ABR: variants seen among roughly 807,000 people sequenced by gnomAD.
ABR encodes the protein ABR activator of RhoGEF and GTPase.
A neutral mutation model predicts 107.2 loss-of-function variants in ABR; 35 were observed. The ratio of observed to expected loss-of-function variants is 0.33; its 90% CI spans 0.25 to 0.43. ABR has a LOEUF of 0.43. Among genes scored for constraint, ABR ranks in the 20% least tolerant of loss-of-function variants. ABR has a pLI of 1.00. For synonymous variants in ABR, 498 were observed against 462.0 expected (o/e 1.08, Z -1.00); for missense variants, 815 against 1,115.2 (o/e 0.73, Z 3.83).
chr17:1,146,260 GAC>G (rs60058475), intron 1 of ABR, among the ~76,000 whole-genome samples: 39,857 of 139,980 alleles, frequency 0.28, 5,611 homozygotes, highest in Non-Finnish European at 0.31. Flanking sequence ...GGCACATGGA[GAC>G]ACACACACAC....
intron 2 of ABR, among the ~76,000 whole-genome samples, chr17:1,105,906 T>C (rs2038214501): frequency 2.0e-5 from 3 of 151,750 alleles, no homozygotes; most frequent in Non-Finnish European, 4.4e-5. Context: ...ACCTAAAGGG[T>C]TAATCTGCAT....
intron 1 of ABR, among the ~76,000 whole-genome samples, chr17:1,223,289 CAAAA>C (rs2043152147): frequency 7.5e-6 from 1 of 133,210 alleles, no homozygotes; most frequent in Non-Finnish European, 1.6e-5. Flanking sequence ...CTCAAACAAA[CAAAA>C]AATCAGTAAC....
chr17:1,087,411 C>CG (rs924567309), intron 4 of ABR, among the ~76,000 whole-genome samples: 6 of 151,748 alleles, frequency 4.0e-5, no homozygotes, highest in African/African-American at 9.7e-5. Flanking sequence ...GGCAGGGGAG[C>CG]GGGGGGCATC....
intron 1 of ABR, among the ~76,000 whole-genome samples, chr17:1,146,180 C>G (rs2040513961): frequency 6.6e-6 from 1 of 151,740 alleles, no homozygotes; most frequent in Non-Finnish European, 1.5e-5. Flanking sequence ...TGGTGCAAAG[C>G]TAGGTGTGCG....
rs1480676418 is a variant in ABR, at chr17:1,006,054, C to T, written c.*26G>A. 7.1e-6 allele frequency: 11 copies of T among 1,543,440 alleles called. No individual in the cohort carries two copies. Among genetic ancestry groups the T allele is most frequent in the Non-Finnish European group, 9.7e-6 (11 of 1,139,368 alleles). On this transcript the variant is annotated 3_prime_UTR_variant, in exon 23 of 23. Coordinates refer to ENST00000302538, the MANE Select transcript of ABR (RefSeq NM_021962.5). ...CAGGCTGGAGGGGCTGGTTCCACCA[C>T]CCGCCCGCAGCCACCCTGCCTCGGG...
intron 4 of ABR, among the ~76,000 whole-genome samples, chr17:1,087,547 C>T (rs1268551036): frequency 1.2e-5 from 1 of 80,192 alleles, no homozygotes; most frequent in Admixed American, 1.4e-4. Context: ...TAAAAGAGGG[C>T]GGGGCCTGAG....
At chr17:1,195,435 T>C (rs1363629846) in intron 1 of ABR, among the ~76,000 whole-genome samples, 1 of 151,222 alleles carries the variant, frequency 6.6e-6, no homozygotes, top group Non-Finnish European at 1.5e-5. Flanking sequence ...TTAACTAGTC[T>C]CTGGTGTATC....
At chr17:1,180,615 A>G (rs1164759866), upstream of ABR, among the ~76,000 whole-genome samples, 1 of 152,152 alleles carries the variant, frequency 6.6e-6, no homozygotes, top group African/African-American at 2.4e-5. Flanking sequence ...AGAAGCCCCA[A>G]GGGCTCCACG....
chr17:1,127,987 C>T (rs1001575960), intron 1 of ABR, among the ~76,000 whole-genome samples: 2 of 152,222 alleles, frequency 1.3e-5, no homozygotes, highest in African/African-American at 4.8e-5. Context: ...CAAATGCCCT[C>T]CCTTTCCCTC....
chr17:1,096,504 G>A (rs1363654949), intron 3 of ABR, among the ~76,000 whole-genome samples: 1 of 152,148 alleles, frequency 6.6e-6, no homozygotes, highest in Non-Finnish European at 1.5e-5. Context: ...GAGGAGGAAG[G>A]GTGTGATTCT....
chr17:1,167,852 C>A (rs2041571728), intron 1 of ABR, among the ~76,000 whole-genome samples: 1 of 152,180 alleles, frequency 6.6e-6, no homozygotes, highest in Non-Finnish European at 1.5e-5. Flanking sequence ...CAGGTAAACA[C>A]TATAAAACAA....
chr17:1,072,674 C>G lies in ABR; in HGVS notation c.834G>C (p.Leu278=), dbSNP rs2035339159. ...QDALRISQNF[L]SSINEDIDPR... Reference sequence around the variant, plus strand: ...GGTCGATGTCCTCGTTGATGCTGGACAGGAAGTTCTGGGAGATGCGGAGGG... The same window carrying G: ...GGTCGATGTCCTCGTTGATGCTGGAGAGGAAGTTCTGGGAGATGCGGAGGG... The change falls in exon 8 of 23, where the codon CTG becomes CTC. Residue 278 remains leucine (L), a synonymous_variant. Coordinates refer to ENST00000302538, the MANE Select transcript of ABR (RefSeq NM_021962.5). 1 of 1,613,388 alleles carries G rather than the reference C, an allele frequency of 6.2e-7. No individual in the cohort carries two copies. Among genetic ancestry groups the G allele is most frequent in the Admixed American group, 1.7e-5 (1 of 59,892 alleles).
At chr17:1,140,176 C>T (rs1239876395) in intron 1 of ABR, among the ~76,000 whole-genome samples, 1 of 152,186 alleles carries the variant, frequency 6.6e-6, no homozygotes, top group African/African-American at 2.4e-5. Context: ...TGGTGGGAAC[C>T]AAGGGCAAAG....
chr17:1,228,777 TG>T (rs560120531), intron 1 of ABR: 1,945 of 122,772 alleles, frequency 0.016, 34 homozygotes, highest in African/African-American at 0.055. Context: ...GAGCGGGGTC[TG>T]GGGGGGGCGC....
At chr17:1,171,208 G>A (rs1048419432) in intron 1 of ABR, among the ~76,000 whole-genome samples, 14 of 152,182 alleles carry the variant, frequency 9.2e-5, no homozygotes, top group Admixed American at 7.2e-4. Flanking sequence ...GAAATAACTG[G>A]CTTAATTACA....
At chr17:1,028,734 G>A (rs1484070282) in intron 16 of ABR, among the ~76,000 whole-genome samples, 1 of 152,208 alleles carries the variant, frequency 6.6e-6, no homozygotes, top group African/African-American at 2.4e-5. Flanking sequence ...GTCACCTGAA[G>A]CTGCACTCAA....
chr17:1,184,888 G>A (rs137895171), upstream of ABR: 4 of 152,086 alleles, frequency 2.6e-5, no homozygotes, highest in Non-Finnish European at 4.4e-5. Context: ...GTTATTTCAC[G>A]TAATCCTTAC....
chr17:1,042,403 G>A (rs1287405019), intron 16 of ABR, among the ~76,000 whole-genome samples: 2 of 152,116 alleles, frequency 1.3e-5, no homozygotes, highest in Non-Finnish European at 2.9e-5. Context: ...TCCACGGACG[G>A]ATGGATAAAT....
chr17:1,183,239 G>A (rs550974352), upstream of ABR, among the ~76,000 whole-genome samples: 33 of 152,168 alleles, frequency 2.2e-4, no homozygotes, highest in African/African-American at 7.7e-4. Flanking sequence ...CATCTATCAC[G>A]CTGCCTCCTC....
Sources: gnomAD v4.1 joint callset for allele counts (sites outside exome capture counted in the v4.1 genomes callset) on GRCh38, gnomAD v4.1.1 for gene constraint, MANE v1.5 for transcripts, NCBI Gene and HGNC (gene_info 2026-07-23, HGNC 2026-07-21) for gene names.